Variants in SDK1 observed in about 807,000 individuals in gnomAD.
SDK1 encodes the protein protein sidekick-1.
A neutral mutation model predicts 245.5 loss-of-function variants in SDK1; 157 were observed. The observed-to-expected ratio is 0.64, with a 90% CI of 0.56 to 0.73. The LOEUF is 0.73. Among genes scored for constraint, SDK1 ranks in the 30% least tolerant of loss-of-function variants. The pLI is 0.00. For synonymous variants in SDK1, 1,647 were observed against 1,278.5 expected (o/e 1.29, Z -6.15); for missense variants, 3,583 against 3,002.3 (o/e 1.19, Z -4.52).
chr7:3,747,147 A>G (rs1337520777), intron 4 of SDK1, among the ~76,000 whole-genome samples: 1 of 152,218 alleles, frequency 6.6e-6, no homozygotes, highest in Non-Finnish European at 1.5e-5. Context: ...AAACTAGGAG[A>G]GAAAAATCCA....
Position 3,813,464 on chromosome 7 carries a change from G to A in SDK1, c.714-7986G>A, listed in dbSNP as rs1779435136. On this transcript the variant is annotated intron_variant, in intron 4 of 44. Transcript: ENST00000404826. Reference sequence around the variant, plus strand: ...ACTCATCATTTTTTATGGCTGCATAGTATTCCATGGTGTATATGTGCCACA... The same window carrying A: ...ACTCATCATTTTTTATGGCTGCATAATATTCCATGGTGTATATGTGCCACA... Among the ~76,000 whole-genome samples the A allele has an allele frequency of 1.5e-5, 2 of 137,818 alleles. 1 individual carries two copies. Among genetic ancestry groups the A allele is most frequent in the East Asian group, 4.3e-4 (2 of 4,668 alleles). 90.4% of individuals were successfully genotyped at this position (137,818 alleles called of 152,430 possible).
At chr7:4,219,290 A>G (rs1584473071) in intron 38 of SDK1, among the ~76,000 whole-genome samples, 1 of 152,330 alleles carries the variant, frequency 6.6e-6, no homozygotes, top group Non-Finnish European at 1.5e-5. Flanking sequence ...GTATCTTCCT[A>G]CATCTTGTAT....
At chr7:4,045,684 C>G (rs979791160) in intron 17 of SDK1, among the ~76,000 whole-genome samples, 33 of 152,308 alleles carry the variant, frequency 2.2e-4, no homozygotes, top group African/African-American at 7.7e-4. Flanking sequence ...GTGCCATGGG[C>G]ATCCGCATCT....
At chr7:3,625,658 A>C (rs1398658991) in intron 2 of SDK1, among the ~76,000 whole-genome samples, 1 of 152,252 alleles carries the variant, frequency 6.6e-6, no homozygotes, top group Non-Finnish European at 1.5e-5. Context: ...TGGGTGAAAG[A>C]GGAAATTATT....
chr7:3,339,331 T>C (rs1000786059), intron 1 of SDK1, among the ~76,000 whole-genome samples: 1 of 152,148 alleles, frequency 6.6e-6, no homozygotes, highest in African/African-American at 2.4e-5. Flanking sequence ...ACTATATACA[T>C]ATAAATAAAT....
At chr7:3,825,045 G>A (rs1779736617) in intron 5 of SDK1, among the ~76,000 whole-genome samples, 1 of 152,102 alleles carries the variant, frequency 6.6e-6, no homozygotes. Context: ...TTAATGTGAT[G>A]TGAAGCCAGC....
intron 8 of SDK1, among the ~76,000 whole-genome samples, chr7:3,959,263 T>A (rs1781493210): frequency 6.6e-6 from 1 of 152,028 alleles, no homozygotes; most frequent in African/African-American, 2.4e-5. Context: ...GAAGCCCACA[T>A]CTACCCCAGA....
chr7:3,358,907 A>G (rs1780879142), intron 1 of SDK1, among the ~76,000 whole-genome samples: 1 of 152,180 alleles, frequency 6.6e-6, no homozygotes, highest in Non-Finnish European at 1.5e-5. Context: ...GAATAGGGTA[A>G]ACCCATTTCT....
chr7:3,457,578 G>A (rs1011105503), intron 1 of SDK1, among the ~76,000 whole-genome samples: 1 of 152,104 alleles, frequency 6.6e-6, no homozygotes. Context: ...TGTTTTGCCT[G>A]GTTGGATTCT....
At chr7:4,228,814 A>C (rs1583125849) in intron 40 of SDK1, among the ~76,000 whole-genome samples, 1 of 152,160 alleles carries the variant, frequency 6.6e-6, no homozygotes, top group Admixed American at 6.5e-5. Context: ...CTGAGATTAC[A>C]GGCGGGAGCC....
At chr7:4,005,373 G>C (rs1365327857) in intron 14 of SDK1, among the ~76,000 whole-genome samples, 1 of 147,558 alleles carries the variant, frequency 6.8e-6, no homozygotes, top group Non-Finnish European at 1.5e-5. Context: ...CCGTTTCCGG[G>C]TAGTTTCTTT....
intron 22 of SDK1, among the ~76,000 whole-genome samples, chr7:4,102,531 A>G (rs1247900301): frequency 6.6e-6 from 1 of 152,026 alleles, no homozygotes; most frequent in Non-Finnish European, 1.5e-5. Context: ...ACGCAGCTGC[A>G]CCTTGTCTGC....
intron 5 of SDK1, among the ~76,000 whole-genome samples, chr7:3,829,229 T>A (rs1721042799): frequency 6.6e-6 from 1 of 152,178 alleles, no homozygotes; most frequent in African/African-American, 2.4e-5. Context: ...GCTTAAAATG[T>A]AAGAAAGATA....
Position 3,719,200 on chromosome 7 carries a change from C to G in SDK1, c.713+77095C>G, listed in dbSNP as rs1263113243. Among the ~76,000 whole-genome samples the G allele has an allele frequency of 2.0e-5, 3 of 149,116 alleles. No homozygotes were observed. The East Asian group carries it at 5.9e-4, about 29-fold the overall frequency. ...GCTGAGAAATGGAAGAAATCAAAGA[C>G]CTAAAAAATCAGAGAGACTTTGGGG... On this transcript the variant is annotated intron_variant, in intron 4 of 44. Transcript: ENST00000404826.
Position 4,008,908 on chromosome 7 carries a change from A to C in SDK1, c.2132-2058A>C, listed in dbSNP as rs76154087. On this transcript the variant is annotated intron_variant, in intron 14 of 44. Transcript: ENST00000404826. ...CCCTCCTTTCTGTTCCTTTGAGTGTATACTGAGAAGCAGAATTGCTGGATT... is the reference window on the plus strand; with the variant it reads ...CCCTCCTTTCTGTTCCTTTGAGTGTCTACTGAGAAGCAGAATTGCTGGATT... Among the ~76,000 whole-genome samples, 794 of 152,306 alleles carry C rather than the reference A, an allele frequency of 5.2e-3. 7 individuals are homozygous for C. The highest frequency in any genetic ancestry group is 0.018 in the African/African-American group (746 of 41,572).
intron 5 of SDK1, among the ~76,000 whole-genome samples, chr7:3,917,959 C>T (rs913476931): frequency 6.6e-6 from 1 of 152,164 alleles, no homozygotes; most frequent in Non-Finnish European, 1.5e-5. Context: ...CAGAAACCAC[C>T]TCTGTTGTAC....
chr7:3,836,412 C>T (rs898985552), intron 5 of SDK1, among the ~76,000 whole-genome samples: 2 of 152,120 alleles, frequency 1.3e-5, no homozygotes, highest in Admixed American at 6.5e-5. Context: ...ACAAGATACC[C>T]ATTCATTAAT....
At position 4,178,549 on chromosome 7, in the gene SDK1, A is replaced by T; in HGVS notation, c.5061A>T (p.Pro1687=). 6.2e-7 allele frequency: 1 copy of T among 1,613,496 alleles called. No individual in the cohort carries two copies. The stretch of plus-strand genomic sequence containing the variant: ...CCTATAACATCATCGGCGAGAGCCC[A>T]GCCAGCGCGCCCGTGGAGGTCTTTG... ...MTAYNIIGES[P]ASAPVEVFVG... The change falls in exon 35 of 45, where the codon CCA becomes CCT. Residue 1687 remains proline (P), a synonymous_variant. Transcript: ENST00000404826.
chr7:3,599,909 T>C (rs566707224), intron 1 of SDK1, among the ~76,000 whole-genome samples: 1 of 152,212 alleles, frequency 6.6e-6, no homozygotes, highest in Non-Finnish European at 1.5e-5. Context: ...GTTTTAGATA[T>C]TCTACTTCCT....
Sources: allele counts gnomAD v4.1 joint callset (sites outside exome capture counted in the v4.1 genomes callset), GRCh38; gene constraint gnomAD v4.1.1; transcripts MANE v1.5; gene names NCBI Gene and HGNC (gene_info 2026-07-23, HGNC 2026-07-21).